The following ZNF410 variants were observed in gnomAD, a reference collection of about 807,000 sequenced individuals.
ZNF410 encodes the protein zinc finger protein 410.
A neutral mutation model predicts 54.8 loss-of-function variants in ZNF410; 18 were observed. The ratio of observed to expected loss-of-function variants is 0.33; its 90% CI spans 0.23 to 0.49. ZNF410 has a LOEUF of 0.49. Ranked by LOEUF, ZNF410 falls within the 20% of genes least tolerant of loss-of-function variation. The probability of loss-of-function intolerance (pLI) is 0.99; values close to 1 mark genes in which losing one functional copy is unlikely to be tolerated. For synonymous variants in ZNF410, 191 were observed against 207.3 expected (o/e 0.92, Z 0.68); for missense variants, 405 against 569.6 (o/e 0.71, Z 2.94).
intron 5 of ZNF410, chr14:73,898,664 C>A (rs2140299806): frequency 3.7e-6 from 1 of 269,550 alleles, no homozygotes; most frequent in East Asian, 7.2e-5. Context: ...ACTACCAAAT[C>A]CATGAAAATA....
chr14:73,907,559 C>T (rs1158089953), intron 7 of ZNF410, among the ~76,000 whole-genome samples: 2 of 150,648 alleles, frequency 1.3e-5, no homozygotes, highest in Non-Finnish European at 1.5e-5. Flanking sequence ...TGCGCCACTA[C>T]ACTCCATCCT....
chr14:73,926,741 TG>T (rs34942142), intron 11 of ZNF410, among the ~76,000 whole-genome samples: 91,700 of 151,988 alleles, frequency 0.6, 28,573 homozygotes, highest in South Asian at 0.72. Flanking sequence ...GGCCAGGAAT[TG>T]GGAGTTTTTG....
chr14:73,912,906 T>C (rs1181170906), intron 8 of ZNF410, among the ~76,000 whole-genome samples: 2 of 151,940 alleles, frequency 1.3e-5, no homozygotes, highest in Non-Finnish European at 2.9e-5. Context: ...AGTTCAGGGG[T>C]ACATGTGTAG....
intron 8 of ZNF410, chr14:73,920,717 CAA>C (rs1245402750): frequency 1.5e-5 from 6 of 394,848 alleles, no homozygotes; most frequent in Non-Finnish European, 2.8e-5. Context: ...GGTCCTATAC[CAA>C]AGAGGTTTTG....
intron 8 of ZNF410, chr14:73,913,719 A>G (rs1451844293): frequency 2.6e-5 from 4 of 152,216 alleles, no homozygotes; most frequent in Non-Finnish European, 5.9e-5. Flanking sequence ...TGTTCTCCGT[A>G]TCAGTCTCTC....
intron 3 of ZNF410, chr14:73,896,072 T>C (rs1160326486): frequency 6.0e-6 from 3 of 502,002 alleles, no homozygotes; most frequent in Non-Finnish European, 7.1e-6. Flanking sequence ...GAATGGTTGG[T>C]TATTCACCAA....
At position 73,892,006 on chromosome 14, in the gene ZNF410, TC is replaced by T. The variant is rs200605259; in HGVS notation, c.-149-20del. On this transcript the variant is annotated intron_variant, in intron 1 of 11. Coordinates refer to ENST00000555044, the MANE Select transcript of ZNF410 (RefSeq NM_021188.3). ...CCCACTGCTCTTAATGCCCCCTCTC[TC>T]TTTTTTACCCCTATTCTAGGTTACA... 1.3e-6 allele frequency: 1 copy of T among 760,744 alleles called. No individual in the cohort carries two copies. Among genetic ancestry groups the T allele is most frequent in the Non-Finnish European group, 2.3e-6 (1 of 427,260 alleles). The allele number at this position is 760,744 out of a possible 1,614,324, so 47.1% of individuals were successfully genotyped here.
intron 8 of ZNF410, among the ~76,000 whole-genome samples, chr14:73,911,817 T>A (rs2055583843): frequency 6.6e-6 from 1 of 152,006 alleles, no homozygotes; most frequent in Non-Finnish European, 1.5e-5. Context: ...TCTTTAAAAA[T>A]CTAGATCTTT....
chr14:73,900,094 G>A (rs913055821), intron 5 of ZNF410, among the ~76,000 whole-genome samples: 8 of 112,410 alleles, frequency 7.1e-5, no homozygotes, highest in East Asian at 2.9e-4. Context: ...ACTCAGGAAG[G>A]CTGAGACAGA....
rs143550446 is a variant in ZNF410 at position 73,915,261 on chromosome 14, C to CAAA, written c.1004-5708_1004-5706dup. ...TGGGTGATAGAGCGAGAATCTGTCT[C>CAAA]AAAAAAAAAAAAAGTGGTGAGAGTA... On this transcript the variant is annotated intron_variant, in intron 8 of 11. Coordinates refer to ENST00000555044, the MANE Select transcript of ZNF410 (RefSeq NM_021188.3). Among the ~76,000 whole-genome samples the CAAA allele has an allele frequency of 1.1e-3, 155 of 140,996 alleles. 3 individuals are homozygous for CAAA. In the South Asian group the frequency reaches 0.026, roughly 23 times the overall value. The allele number at this position is 140,996 out of a possible 152,430, so 92.5% of individuals were successfully genotyped here. A position where few individuals can be genotyped will look rare whatever the true frequency, so the allele number is the denominator to read the frequency against.
rs768569223 is a variant in ZNF410, at chr14:73,893,802, G to T, written c.39G>T (p.Leu13=). 1 of 1,604,700 alleles carries T rather than the reference G, an allele frequency of 6.2e-7. No homozygotes were observed. The highest frequency in any genetic ancestry group is 8.5e-7 in the Non-Finnish European group (1 of 1,177,586). ...GTTGTCTTTTCTCCCCCCAGCTCCT[G>T]GTACAGTTTGTTCAGAATACGTCCA... The part of the protein sequence containing the change: ...SDELESKPEL[L]VQFVQNTSIP... Residue 13 remains leucine, a synonymous_variant, in exon 3 of 12, where the codon CTG becomes CTT. Transcript: ENST00000555044.
chr14:73,897,014 G>A (rs909303894), intron 4 of ZNF410, among the ~76,000 whole-genome samples: 8 of 152,142 alleles, frequency 5.3e-5, no homozygotes, highest in Non-Finnish European at 1.0e-4. Flanking sequence ...CATTTAAGAG[G>A]ACAACAGAAC....
At chr14:73,921,176 T>G in intron 9 of ZNF410, 71 bp downstream of exon 9, 1 of 1,578,746 alleles carries the variant, frequency 6.3e-7, no homozygotes, top group Non-Finnish European at 8.6e-7. Context: ...CTGTCCTGCC[T>G]GCTTATCTGG....
At chr14:73,905,966 CACATATATATAT>C in intron 7 of ZNF410, among the ~76,000 whole-genome samples, 1 of 66,606 alleles carries the variant, frequency 1.5e-5, no homozygotes, top group African/African-American at 6.1e-5. Flanking sequence ...CACACACACA[CACATATATATAT>C]ATATATATAT....
chr14:73,928,452 C>G lies in ZNF410; in HGVS notation c.1399-3051C>G, dbSNP rs1252102409. On this transcript the variant is annotated intron_variant, in intron 11 of 11. Transcript: ENST00000555044. Reference sequence around the variant, plus strand: ...AAGGTCTTACAAGGCATGATTTTATCCTGGGGGCACTGAAGAACCACTGCA... The same window carrying G: ...AAGGTCTTACAAGGCATGATTTTATGCTGGGGGCACTGAAGAACCACTGCA... Among the ~76,000 whole-genome samples the G allele has an allele frequency of 2.6e-5, 4 of 152,110 alleles. No individual in the cohort carries two copies. In the East Asian group the frequency reaches 7.7e-4, roughly 29 times the overall value.
chr14:73,924,572 A>G, intron 11 of ZNF410: 3 of 371,302 alleles, frequency 8.1e-6, no homozygotes, highest in South Asian at 6.1e-5. Flanking sequence ...TGACTTCATC[A>G]CGAGCACATT....
At chr14:73,909,607 T>TG (rs34227581) in intron 8 of ZNF410, 177 bp downstream of exon 8, 20,728 of 436,282 alleles carry the variant, frequency 0.048, 455 homozygotes, top group Admixed American at 0.07. Context: ...TAATCAAGGT[T>TG]GGGGGGGGGA....
intron 7 of ZNF410, 159 bp downstream of exon 7, chr14:73,905,242 A>T (rs1323391062): frequency 1.4e-6 from 1 of 713,398 alleles, no homozygotes; most frequent in African/African-American, 1.8e-5. Flanking sequence ...TGTTGCACTT[A>T]TAATAACATT....
chr14:73,927,810 G>A (rs1415470681), intron 11 of ZNF410: 2 of 154,256 alleles, frequency 1.3e-5, no homozygotes, highest in Admixed American at 6.6e-5. Context: ...GATGGGAGAA[G>A]TGACCAATTA....
Sources: allele counts gnomAD v4.1 joint callset (sites outside exome capture counted in the v4.1 genomes callset), GRCh38; gene constraint gnomAD v4.1.1; transcripts MANE v1.5; gene names NCBI Gene and HGNC (gene_info 2026-07-23, HGNC 2026-07-21).